ADCY7: variants seen among roughly 807,000 people sequenced by gnomAD.
ADCY7 encodes adenylate cyclase 7.
In ADCY7, 72 loss-of-function variants were observed where a neutral mutation model predicts 120.6. The observed-to-expected ratio is 0.60, with a 90% CI of 0.49 to 0.73. The LOEUF is 0.73. ADCY7 is among the 30% of genes least tolerant of loss of function. The pLI, the probability that ADCY7 is intolerant of heterozygous loss-of-function variation, is 0.00. For synonymous variants in ADCY7, 661 were observed against 628.0 expected, an observed-to-expected ratio of 1.05 and a Z score of -0.78; for missense variants, 1,227 against 1,486.0, an observed-to-expected ratio of 0.83 and a Z score of 2.87.
intron 15 of ADCY7, 108 bp downstream of exon 15, chr16:50,307,255 C>G: frequency 9.4e-7 from 1 of 1,061,564 alleles, no homozygotes; most frequent in Non-Finnish European, 1.4e-6. Context: ...GGGTCGGCTG[C>G]TGGGGTCCTA....
intron 1 of ADCY7, among the ~76,000 whole-genome samples, chr16:50,255,348 T>A (rs911679688): frequency 2.9e-5 from 4 of 135,938 alleles, no homozygotes; most frequent in Non-Finnish European, 6.1e-5. Flanking sequence ...CCATCTAAAG[T>A]GCTGGGATTA....
chr16:50,290,444 T>C lies in ADCY7; in HGVS notation c.172-13T>C. On this transcript the variant is annotated splice_polypyrimidine_tract_variant and intron_variant, in intron 2 of 25. Coordinates refer to ENST00000673801, the MANE Select transcript of ADCY7 (RefSeq NM_001114.5). The stretch of plus-strand genomic sequence containing the variant: ...GGAAAGCCGAGGCATTCCTGTCTGT[T>C]TGCTCCACCCAGGACCCCTCCAGAC... 2.5e-6 allele frequency: 4 copies of C among 1,613,984 alleles called. No individual in the cohort carries two copies. Among genetic ancestry groups the C allele is most frequent in the African/African-American group, 2.7e-5 (2 of 75,050 alleles).
upstream of ADCY7, among the ~76,000 whole-genome samples, chr16:50,264,473 G>T (rs1350073124): frequency 2.6e-5 from 4 of 152,200 alleles, no homozygotes; most frequent in Non-Finnish European, 4.4e-5. Flanking sequence ...TTTCTTTTGG[G>T]TAAATACCTG....
intron 23 of ADCY7, 32 bp downstream of exon 23, chr16:50,314,094 A>T: frequency 1.3e-6 from 2 of 1,595,634 alleles, no homozygotes; most frequent in Non-Finnish European, 1.7e-6. Context: ...AATTCAGCTG[A>T]CTGTCCTCAC....
intron 1 of ADCY7, among the ~76,000 whole-genome samples, chr16:50,267,496 G>A (rs915691491): frequency 2.6e-5 from 4 of 152,230 alleles, no homozygotes; most frequent in Non-Finnish European, 5.9e-5. Flanking sequence ...GGGGCCCTGG[G>A]TCCAAGGCCT....
At chr16:50,270,905 G>A (rs908259508) in intron 1 of ADCY7, among the ~76,000 whole-genome samples, 13 of 152,132 alleles carry the variant, frequency 8.5e-5, no homozygotes, top group Admixed American at 3.9e-4. Flanking sequence ...CGGGGATCCC[G>A]CCAGCCCCCT....
At chr16:50,310,582 C>A in intron 18 of ADCY7, 105 bp from the exon 19 acceptor site, 1 of 1,582,216 alleles carries the variant, frequency 6.3e-7, no homozygotes, top group Non-Finnish European at 8.6e-7. Flanking sequence ...AAGGCAAGAG[C>A]GTGATGCTGA....
At chr16:50,251,414 G>A (rs1308919485) in intron 1 of ADCY7, among the ~76,000 whole-genome samples, 1 of 152,188 alleles carries the variant, frequency 6.6e-6, no homozygotes, top group Non-Finnish European at 1.5e-5. Context: ...CCCATCTCCT[G>A]TTGCCATGAT....
At chr16:50,284,106 G>A (rs1028156662) in intron 1 of ADCY7, among the ~76,000 whole-genome samples, 5 of 152,210 alleles carry the variant, frequency 3.3e-5, no homozygotes, top group East Asian at 3.9e-4. Context: ...GGCAGGGGGT[G>A]CCTCTGGGTC....
intron 1 of ADCY7, among the ~76,000 whole-genome samples, chr16:50,249,397 G>A (rs1334120087): frequency 6.6e-6 from 1 of 152,072 alleles, no homozygotes; most frequent in Non-Finnish European, 1.5e-5. Flanking sequence ...CCGAGTTAGC[G>A]CCACTGCACT....
chr16:50,277,699 C>G (rs577323011), intron 1 of ADCY7, among the ~76,000 whole-genome samples: 1 of 128,576 alleles, frequency 7.8e-6, no homozygotes, highest in South Asian at 2.5e-4. Context: ...GAGGCGGAGT[C>G]TTGCTCTGTC....
chr16:50,275,003 ACTC>A (rs1394542368), intron 1 of ADCY7, among the ~76,000 whole-genome samples: 15 of 151,862 alleles, frequency 9.9e-5, no homozygotes, highest in Non-Finnish European at 2.2e-4. Flanking sequence ...CAGGTGGGCC[ACTC>A]CTCTGCATTC....
At chr16:50,262,435 C>T (rs1269309952), upstream of ADCY7, among the ~76,000 whole-genome samples, 2 of 151,830 alleles carry the variant, frequency 1.3e-5, no homozygotes, top group Non-Finnish European at 2.9e-5. Context: ...TTTTGTATTC[C>T]TCCCACCTCA....
Position 50,294,694 on chromosome 16 carries a change from C to T in ADCY7, c.891C>T (p.Pro297=). 6.2e-7 allele frequency: 1 copy of T among 1,613,822 alleles called. No homozygotes were observed. Among genetic ancestry groups the T allele is most frequent in the Non-Finnish European group, 8.5e-7 (1 of 1,179,868 alleles). ...CGCAGCTGGCCAGCGACTGTTCTCC[C>T]AAGGAGCTGGTGGTGGTGCTGAATG... ...GFTQLASDCS[P]KELVVVLNEL... The change falls in exon 7 of 26, where the codon CCC becomes CCT. Residue 297 remains proline, a synonymous_variant. Transcript: ENST00000673801.
intron 1 of ADCY7, among the ~76,000 whole-genome samples, chr16:50,257,476 A>G (rs2032947901): frequency 6.6e-6 from 1 of 152,146 alleles, no homozygotes; most frequent in Non-Finnish European, 1.5e-5. Flanking sequence ...TTCACCACAA[A>G]CAGTGCTAAA....
In ADCY7 at chr16:50,290,559, T is replaced by G; in HGVS notation, c.274T>G (p.Trp92Gly). ...GTACGTCGAGTGTCTCCTGCGGCGC[T>G]GGCTCAGGGCCTTGGCGCTGCTCAC... is the stretch of plus-strand genomic sequence containing the variant. The part of the protein sequence containing the change: ...LMYVECLLRR[W>G]LRALALLTWA... The change falls in exon 3 of 26, where the codon TGG becomes GGG. Residue 92 changes from tryptophan (W) to glycine (G), a missense_variant. Coordinates refer to ENST00000673801, the MANE Select transcript of ADCY7 (RefSeq NM_001114.5). The G allele has an allele frequency of 5.0e-6, 8 of 1,614,184 alleles. No homozygotes were observed. The highest frequency in any genetic ancestry group is 6.8e-6 in the Non-Finnish European group (8 of 1,180,036).
intron 1 of ADCY7, among the ~76,000 whole-genome samples, chr16:50,252,138 T>C (rs897763685): frequency 3.3e-5 from 5 of 152,224 alleles, no homozygotes; most frequent in African/African-American, 1.2e-4. Flanking sequence ...TGCTGTTTTT[T>C]TTCCTTTTTG....
At chr16:50,263,265 G>A (rs970443571), upstream of ADCY7, among the ~76,000 whole-genome samples, 6 of 151,698 alleles carry the variant, frequency 4.0e-5, no homozygotes, top group Non-Finnish European at 7.4e-5. Context: ...ATTGACCTGT[G>A]TGTGCTCAGA....
upstream of ADCY7, among the ~76,000 whole-genome samples, chr16:50,261,893 T>C (rs1225413474): frequency 6.6e-6 from 1 of 152,116 alleles, no homozygotes; most frequent in Non-Finnish European, 1.5e-5. Flanking sequence ...CCCCCGACCT[T>C]AGGGGAAGGA....
Sources: allele counts gnomAD v4.1 joint callset (sites outside exome capture counted in the v4.1 genomes callset), GRCh38; gene constraint gnomAD v4.1.1; transcripts MANE v1.5; gene names NCBI Gene and HGNC (gene_info 2026-07-23, HGNC 2026-07-21).